Variants in TENM3 observed in about 807,000 individuals in gnomAD.
The protein encoded by TENM3 is teneurin-3.
In TENM3, 63 loss-of-function variants were observed where a neutral mutation model predicts 255.1. The observed-to-expected ratio is 0.25, with a 90% CI of 0.20 to 0.30. The LOEUF is 0.30. Among genes scored for constraint, TENM3 ranks in the 10% least tolerant of loss-of-function variants. The pLI is 1.00. For missense variants in TENM3, 2,929 were observed against 3,461.1 expected, an observed-to-expected ratio of 0.85 and a Z score of 3.86; for synonymous variants, 1,306 against 1,322.3, an observed-to-expected ratio of 0.99 and a Z score of 0.27.
Position 182,161,643 on chromosome 4 carries a change from A to G in TENM3, c.-76+16889A>G, listed in dbSNP as rs1344294624. Among the ~76,000 whole-genome samples the G allele has an allele frequency of 8.7e-5, 10 of 114,806 alleles. No homozygotes were observed. The South Asian group carries it at 9.3e-4, about 11-fold the overall frequency. 75.3% of individuals were successfully genotyped at this position (114,806 alleles called of 152,430 possible). ...TATATATACAAATATATATATGTATATATATATATACACACACACAAATAT... is the reference window on the plus strand; with the variant it reads ...TATATATACAAATATATATATGTATGTATATATATACACACACACAAATAT... On this transcript the variant is annotated intron_variant, in intron 1 of 2. Coordinates refer to the TENM3 transcript ENST00000512480.
At chr4:182,414,625 G>A (rs1770235274) in intron 3 of TENM3, among the ~76,000 whole-genome samples, 1 of 152,074 alleles carries the variant, frequency 6.6e-6, no homozygotes, top group South Asian at 2.1e-4. Context: ...CTTTAAAATA[G>A]GAATTCTGAT....
chr4:181,912,736 C>T, the TENM3 span, among the ~76,000 whole-genome samples: 2 of 148,200 alleles, frequency 1.3e-5, no homozygotes, highest in African/African-American at 5.0e-5. Flanking sequence ...CATGCCACTG[C>T]ACTCCAGCCT....
At chr4:181,871,425 A>G in the TENM3 span, among the ~76,000 whole-genome samples, 2 of 151,924 alleles carry the variant, frequency 1.3e-5, no homozygotes, top group Non-Finnish European at 2.9e-5. Context: ...AATATTTTGT[A>G]TTTTTTAGTT....
chr4:182,657,621 C>T (rs1753864049), intron 6 of TENM3, among the ~76,000 whole-genome samples: 1 of 152,014 alleles, frequency 6.6e-6, no homozygotes, highest in African/African-American at 2.4e-5. Context: ...TCTCTTCTAC[C>T]AGCCTTCTTT....
intron 12 of TENM3, among the ~76,000 whole-genome samples, chr4:182,697,560 A>T (rs546633443): frequency 2.0e-5 from 3 of 152,184 alleles, no homozygotes; most frequent in Admixed American, 2.0e-4. Context: ...GGGGATAGAG[A>T]TCCCTGAGAG....
At chr4:182,484,572 T>C (rs1734519291) in intron 3 of TENM3, among the ~76,000 whole-genome samples, 2 of 152,192 alleles carry the variant, frequency 1.3e-5, no homozygotes, top group African/African-American at 4.8e-5. Context: ...TGAATGATTG[T>C]GTGCCTACCT....
the TENM3 span, among the ~76,000 whole-genome samples, chr4:182,114,497 A>G: frequency 6.6e-6 from 1 of 152,060 alleles, no homozygotes; most frequent in African/African-American, 2.4e-5. Context: ...CACAATCCAT[A>G]TTGCCATACC....
the TENM3 span, among the ~76,000 whole-genome samples, chr4:181,921,400 G>T: frequency 1.4e-4 from 21 of 152,052 alleles, no homozygotes; most frequent in East Asian, 1.2e-3. Flanking sequence ...TGTATCCTCT[G>T]TAATTTCATT....
the TENM3 span, among the ~76,000 whole-genome samples, chr4:181,885,709 A>C: frequency 6.6e-6 from 1 of 152,260 alleles, no homozygotes. Context: ...ATCAAATAAC[A>C]TCTTAAGTTG....
At chr4:182,066,105 T>C in the TENM3 span, among the ~76,000 whole-genome samples, 2 of 152,208 alleles carry the variant, frequency 1.3e-5, no homozygotes, top group Non-Finnish European at 2.9e-5. Context: ...AGTTTTACGT[T>C]CCCACCAGCA....
At chr4:182,210,054 C>G (rs1257968074) in intron 1 of TENM3, among the ~76,000 whole-genome samples, 1 of 152,304 alleles carries the variant, frequency 6.6e-6, no homozygotes, top group African/African-American at 2.4e-5. Flanking sequence ...GCCATGAATC[C>G]TGTTTCATCT....
intron 4 of TENM3, among the ~76,000 whole-genome samples, chr4:182,605,103 A>G (rs1353243694): frequency 6.6e-6 from 1 of 152,200 alleles, no homozygotes; most frequent in Non-Finnish European, 1.5e-5. Flanking sequence ...GTGTGTCTGC[A>G]TCCTATATGG....
chr4:182,351,860 C>T (rs1424797651), intron 3 of TENM3, among the ~76,000 whole-genome samples: 1 of 152,156 alleles, frequency 6.6e-6, no homozygotes. Flanking sequence ...GGCTCTAGTC[C>T]TATGAGGTCA....
intron 3 of TENM3, among the ~76,000 whole-genome samples, chr4:182,388,506 T>G (rs1768170258): frequency 1.3e-5 from 2 of 152,208 alleles, no homozygotes. Context: ...TTAATAGGTA[T>G]GGATTTGAGG....
At chr4:182,616,522 T>TAAA (rs542212636) in intron 4 of TENM3, among the ~76,000 whole-genome samples, 20,856 of 93,622 alleles carry the variant, frequency 0.22, 2,301 homozygotes, top group Middle Eastern at 0.25. Context: ...TAAAGTATAA[T>TAAA]AAAAAAAAAA....
chr4:182,434,242 G>A (rs72699997), intron 3 of TENM3, among the ~76,000 whole-genome samples: 1,979 of 152,258 alleles, frequency 0.013, 19 homozygotes, highest in Non-Finnish European at 0.02. Context: ...GGGAAAGGAG[G>A]TGACTGAGAA....
At chr4:182,518,838 A>G (rs1025906028) in intron 3 of TENM3, among the ~76,000 whole-genome samples, 6 of 152,258 alleles carry the variant, frequency 3.9e-5, no homozygotes, top group African/African-American at 1.4e-4. Context: ...AAAAATTAAT[A>G]TAGCTACACA....
the TENM3 span, among the ~76,000 whole-genome samples, chr4:181,649,008 T>C: frequency 6.6e-6 from 1 of 152,228 alleles, no homozygotes; most frequent in Non-Finnish European, 1.5e-5. Context: ...CTGGTGCAGG[T>C]GCACTTCAAA....
At chr4:182,338,678 T>G (rs1242876298) in intron 2 of TENM3, among the ~76,000 whole-genome samples, 2 of 152,194 alleles carry the variant, frequency 1.3e-5, no homozygotes, top group Non-Finnish European at 2.9e-5. Context: ...TGTCAGTAAC[T>G]CCTTTGATTA....
Sources: gnomAD v4.1 joint callset for allele counts (sites outside exome capture counted in the v4.1 genomes callset) on GRCh38, gnomAD v4.1.1 for gene constraint, MANE v1.5 for transcripts, NCBI Gene and HGNC (gene_info 2026-07-23, HGNC 2026-07-21) for gene names.